Variants in GON4L observed in about 807,000 individuals in gnomAD.
The protein encoded by GON4L is gon-4 like.
A neutral mutation model predicts 211.8 loss-of-function variants in GON4L; 87 were observed. That is an observed-to-expected ratio of 0.41 (90% CI 0.35 to 0.49). The LOEUF (loss-of-function observed/expected upper bound fraction) is 0.49. Among genes scored for constraint, GON4L ranks in the 20% least tolerant of loss-of-function variants. The pLI is 0.15. For missense variants in GON4L, 2,155 were observed against 2,659.5 expected (o/e 0.81, Z 4.17); for synonymous variants, 875 against 962.6 (o/e 0.91, Z 1.68).
At chr1:155,772,107 C>T (rs941320544) in intron 18 of GON4L, among the ~76,000 whole-genome samples, 4 of 151,740 alleles carry the variant, frequency 2.6e-5, no homozygotes, top group African/African-American at 4.8e-5. Context: ...GAGCCGAGAT[C>T]GCACCATTGC....
At chr1:155,758,408 A>G (rs150994573) in intron 24 of GON4L, among the ~76,000 whole-genome samples, 39 of 152,330 alleles carry the variant, frequency 2.6e-4, no homozygotes, top group African/African-American at 9.1e-4. Flanking sequence ...TTGGGAGGCC[A>G]AGGCAGGAGG....
At chr1:155,773,537 C>CCCCTTAAATACTTGAAGGATAAGAGA in intron 17 of GON4L, 1 of 283,330 alleles carries the variant, frequency 3.5e-6, no homozygotes, top group Middle Eastern at 1.3e-3. Flanking sequence ...ACCTCCTTCC[C>CCCCTTAAATACTTGAAGGATAAGAGA]CCCTTAAATA....
chr1:155,781,192 G>A (rs1421906404), intron 14 of GON4L, among the ~76,000 whole-genome samples: 1 of 151,590 alleles, frequency 6.6e-6, no homozygotes, highest in African/African-American at 2.4e-5. Context: ...GCCCAGGCTG[G>A]AGTGCAATGG....
At position 155,765,685 on chromosome 1, in the gene GON4L, G is replaced by A. The variant is rs373537636; in HGVS notation, c.3788C>T (p.Pro1263Leu). ...AGGCCCTGGGCTATGTTCCACTTTC[G>A]GGAAAACAGTAGCAGAGAGAGGAGA... Reference protein sequence around the residue: ...ELSPLSATVFPKVEHSPGPPL... With the variant: ...ELSPLSATVFLKVEHSPGPPL... Residue 1263 changes from proline (P) to leucine (L), a missense_variant, in exon 21 of 32, where the codon CCG becomes CTG. Around this residue, in one of 6 missense-constraint regions of GON4L, gnomAD observed 615 missense variants for 625.7 expected, o/e 0.98. Transcript: ENST00000368331. 2.2e-5 allele frequency: 36 copies of A among 1,614,014 alleles called. No individual in the cohort carries two copies. Among genetic ancestry groups the A allele is most frequent in the Middle Eastern group, 1.6e-4 (1 of 6,082 alleles).
At chr1:155,784,556 AT>A in intron 13 of GON4L, 1 of 183,966 alleles carries the variant, frequency 5.4e-6, no homozygotes, top group Non-Finnish European at 1.1e-5. Context: ...TAATTTTTGT[AT>A]TTTTAATAGA....
chr1:155,767,459 T>C lies in GON4L; in HGVS notation c.2729A>G (p.Glu910Gly). 6.2e-7 allele frequency: 1 copy of C among 1,613,356 alleles called. No homozygotes were observed. Among genetic ancestry groups the C allele is most frequent in the Non-Finnish European group, 8.5e-7 (1 of 1,179,498 alleles). The change falls in exon 20 of 32, where the codon GAG (glutamate) becomes GGG (glycine). Residue 910 changes from glutamate to glycine, a missense_variant. Around this residue, in one of 6 missense-constraint regions of GON4L, gnomAD observed 551 missense variants for 854.0 expected, o/e 0.65. Coordinates refer to ENST00000368331, the MANE Select transcript of GON4L (RefSeq NM_001282860.2). Reference protein sequence around the residue: ...IQPHQWKPPIEREEHRLPFWL... With the variant: ...IQPHQWKPPIGREEHRLPFWL... ...GAATGGGAGCCGGTGTTCTTCTCTC[T>C]CTATAGGTGGCTTCCACTGATGTGG... is the stretch of plus-strand genomic sequence containing the variant.
At chr1:155,819,680 C>T (rs147417813) in intron 6 of GON4L, among the ~76,000 whole-genome samples, 1 of 152,216 alleles carries the variant, frequency 6.6e-6, no homozygotes. Context: ...TCCCTCATGA[C>T]TATTACCTGC....
chr1:155,753,753 T>C (rs1660855088), intron 28 of GON4L, among the ~76,000 whole-genome samples: 1 of 152,132 alleles, frequency 6.6e-6, no homozygotes, highest in South Asian at 2.1e-4. Context: ...TGGAGTGCAG[T>C]GGCTGTTTAC....
intron 2 of GON4L, among the ~76,000 whole-genome samples, chr1:155,835,680 T>C (rs1670229765): frequency 1.3e-5 from 2 of 152,128 alleles, no homozygotes; most frequent in South Asian, 2.1e-4. Context: ...TTCCATGTTG[T>C]CTTTGTATAC....
chr1:155,852,505 G>C (rs1671883596), intron 2 of GON4L, among the ~76,000 whole-genome samples: 1 of 152,192 alleles, frequency 6.6e-6, no homozygotes, highest in Admixed American at 6.5e-5. Context: ...ACTTTGGGAG[G>C]CCAAGGCGGG....
intron 14 of GON4L, among the ~76,000 whole-genome samples, chr1:155,783,772 C>T (rs1006166351): frequency 1.3e-5 from 2 of 152,308 alleles, no homozygotes; most frequent in Non-Finnish European, 1.5e-5. Flanking sequence ...ACTGTTTTTT[C>T]TCCCTTCCCA....
intron 3 of GON4L, 81 bp from the exon 4 acceptor site, chr1:155,822,557 GATAAATCTCAAAAGC>G: frequency 2.0e-6 from 2 of 987,976 alleles, no homozygotes; most frequent in Non-Finnish European, 3.2e-6. Flanking sequence ...CAGTAAAGTG[GATAAATCTCAAAAGC>G]ATTATGCTGT....
chr1:155,805,692 C>CTT (rs565142517), intron 10 of GON4L, among the ~76,000 whole-genome samples: 4 of 142,926 alleles, frequency 2.8e-5, no homozygotes, highest in Non-Finnish European at 3.1e-5. Context: ...TCTATCAATA[C>CTT]TTTTTTTTTT....
chr1:155,849,143 CAAAAAAAAAAAAAAA>C (rs764161223), intron 2 of GON4L, among the ~76,000 whole-genome samples: 22 of 120,062 alleles, frequency 1.8e-4, no homozygotes, highest in Admixed American at 3.3e-4. Flanking sequence ...GACTCCATCT[CAAAAAAAAAAAAAAA>C]AAAAAAAAAA....
At chr1:155,813,004 T>C (rs1667928582) in intron 10 of GON4L, among the ~76,000 whole-genome samples, 1 of 152,224 alleles carries the variant, frequency 6.6e-6, no homozygotes, top group African/African-American at 2.4e-5. Context: ...ACTATGTGTA[T>C]ATACAGAGAA....
chr1:155,756,734 G>C, intron 27 of GON4L: 1 of 481,486 alleles, frequency 2.1e-6, no homozygotes, highest in Non-Finnish European at 3.8e-6. Context: ...AGACCAGCCT[G>C]GCCAACATAG....
chr1:155,746,013 G>A, downstream of GON4L: 1 of 815,752 alleles, frequency 1.2e-6, no homozygotes, highest in Non-Finnish European at 1.9e-6. Context: ...AGGATGCTGC[G>A]CTGGGCCGAG....
intron 2 of GON4L, among the ~76,000 whole-genome samples, chr1:155,842,796 C>T (rs560792535): frequency 6.6e-6 from 1 of 151,916 alleles, no homozygotes; most frequent in South Asian, 2.1e-4. Context: ...AAGATAGCAC[C>T]ACTGCACTCC....
Position 155,751,670 on chromosome 1 carries a change from T to C in GON4L, c.6576+97A>G, listed in dbSNP as rs561378148. On this transcript the variant is annotated intron_variant, in intron 31 of 31. Transcript: ENST00000368331. ...ATCAAACCTTTACAAAAACCACTTA[T>C]TATCTTGGATATCAAAACTCCTTCT... 80 of 810,986 alleles carry C rather than the reference T, an allele frequency of 9.9e-5. No homozygotes were observed. The East Asian group carries it at 2.0e-3, about 20-fold the overall frequency. 50.2% of individuals were successfully genotyped at this position (810,986 alleles called of 1,614,324 possible). A position where few individuals can be genotyped will look rare whatever the true frequency, so the allele number is the denominator to read the frequency against.
Sources: gnomAD v4.1 joint callset for allele counts (sites outside exome capture counted in the v4.1 genomes callset) on GRCh38, gnomAD v4.1.1 for gene constraint, gnomAD v4.1.1 regional missense constraint, MANE v1.5 for transcripts, NCBI Gene and HGNC (gene_info 2026-07-23, HGNC 2026-07-21) for gene names.